The following PSAT1 variants were observed in gnomAD, a reference collection of about 807,000 sequenced individuals.
The protein encoded by PSAT1 is phosphoserine aminotransferase 1, also known as phosphoserine aminotransferase.
In PSAT1, 41 loss-of-function variants were observed where a neutral mutation model predicts 40.3. The ratio of observed to expected loss-of-function variants is 1.02; its 90% CI spans 0.79 to 1.32. PSAT1 has a LOEUF of 1.32. Ranked by LOEUF, PSAT1 falls within the 40% of genes most tolerant of loss-of-function variation. PSAT1 has a pLI of 0.00. For missense variants in PSAT1, 406 were observed against 455.8 expected (o/e 0.89, Z 0.99); for synonymous variants, 147 against 170.5 (o/e 0.86, Z 1.07).
At chr9:78,298,013 T>C (rs1049471961) in intron 1 of PSAT1, among the ~76,000 whole-genome samples, 2 of 151,942 alleles carry the variant, frequency 1.3e-5, no homozygotes, top group African/African-American at 4.8e-5. Flanking sequence ...TCGAGTATTC[T>C]AACTCTGGTA....
intron 4 of PSAT1, 67 bp downstream of exon 4, chr9:78,305,007 C>A: frequency 1.4e-6 from 2 of 1,432,908 alleles, no homozygotes; most frequent in Non-Finnish European, 1.9e-6. Flanking sequence ...CCAGGGCAAT[C>A]TGTAGTTTTC....
At position 78,327,213 on chromosome 9, in the gene PSAT1, G is replaced by A. The variant is rs552897004; in HGVS notation, c.870-838G>A. Among the ~76,000 whole-genome samples, 5 of 151,122 alleles carry A rather than the reference G, an allele frequency of 3.3e-5. No individual in the cohort carries two copies. The East Asian group carries it at 7.8e-4, about 24-fold the overall frequency. On this transcript the variant is annotated intron_variant, in intron 7 of 8. Coordinates refer to ENST00000376588, the MANE Select transcript of PSAT1 (RefSeq NM_058179.4). ...CCTGACCTCGTGATCCACCTGCCTCGGCTTCCCAAAGTGCTGGGATTATAG... is the reference window on the plus strand; with the variant it reads ...CCTGACCTCGTGATCCACCTGCCTCAGCTTCCCAAAGTGCTGGGATTATAG...
At chr9:78,313,271 C>T (rs1432565558) in intron 6 of PSAT1, among the ~76,000 whole-genome samples, 1 of 152,028 alleles carries the variant, frequency 6.6e-6, no homozygotes, top group Admixed American at 6.6e-5. Flanking sequence ...GAAGCTGAGG[C>T]GGGAGATCAC....
In PSAT1 at chr9:78,328,107, A is replaced by G. The variant is rs752613705; in HGVS notation, c.926A>G (p.Asn309Ser). The G allele has an allele frequency of 5.6e-6, 9 of 1,611,762 alleles. No homozygotes were observed. In the South Asian group the frequency reaches 8.8e-5, roughly 16 times the overall value. The change falls in exon 8 of 9, where the codon AAT becomes AGT. Residue 309 changes from asparagine to serine, a missense_variant. By Grantham distance (46) the Asn-to-Ser change is conservative. Transcript: ENST00000376588. ...ATGAATATTCCATTCCGCATTGGCA[A>G]TGCCAAAGGAGATGATGCTTTAGAA... ...SKMNIPFRIG[N>S]AKGDDALEKR...
chr9:78,306,416 A>C lies in PSAT1; in HGVS notation c.500A>C (p.Asp167Ala). 1 of 1,614,114 alleles carries C rather than the reference A, an allele frequency of 6.2e-7. No individual in the cohort carries two copies. Among genetic ancestry groups the C allele is most frequent in the Non-Finnish European group, 8.5e-7 (1 of 1,180,038 alleles). ...GGTGTGGAGTTTGACTTTATACCCG[A>C]TGTCAAGGGAGCAGTACTGGTTTGT... ...VHGVEFDFIP[D>A]VKGAVLVCDM... is the part of the protein sequence containing the mutation. The change falls in exon 5 of 9, where the codon GAT becomes GCT. Residue 167 changes from aspartate (D) to alanine (A), a missense_variant. Transcript: ENST00000376588.
chr9:78,327,029 C>T (rs1320491616), intron 7 of PSAT1, among the ~76,000 whole-genome samples: 4 of 143,272 alleles, frequency 2.8e-5, no homozygotes, highest in Admixed American at 7.2e-5. Context: ...AATCTTGGCT[C>T]ACTGCAATCT....
At chr9:78,299,354 A>C (rs1007051422) in intron 1 of PSAT1, among the ~76,000 whole-genome samples, 28 of 152,024 alleles carry the variant, frequency 1.8e-4, no homozygotes, top group Non-Finnish European at 2.8e-4. Flanking sequence ...CTCAGGAGCA[A>C]GTTCAAAGAT....
intron 6 of PSAT1, among the ~76,000 whole-genome samples, chr9:78,313,234 C>T (rs890382292): frequency 2.0e-5 from 3 of 152,072 alleles, no homozygotes; most frequent in African/African-American, 4.8e-5. Flanking sequence ...GGCGTAGTGG[C>T]GTGCACCTGT....
intron 7 of PSAT1, among the ~76,000 whole-genome samples, chr9:78,326,446 A>G (rs1312024363): frequency 6.6e-6 from 1 of 152,156 alleles, no homozygotes; most frequent in Non-Finnish European, 1.5e-5. Flanking sequence ...AACCTTTCCT[A>G]GACAAAAATT....
chr9:78,304,828 A>T lies in PSAT1; in HGVS notation c.285A>T (p.Ala95=), dbSNP rs942065581. The T allele has an allele frequency of 4.3e-6, 7 of 1,614,190 alleles. No homozygotes were observed. The highest frequency in any genetic ancestry group is 5.9e-6 in the Non-Finnish European group (7 of 1,180,034). The change falls in exon 4 of 9, where the codon GCA becomes GCT. Residue 95 remains alanine, a synonymous_variant. Transcript: ENST00000376588. ...AVPLNLIGLK[A]GRCADYVVTG... ...CCTTAAACCTCATTGGCTTGAAAGC[A>T]GGAAGGTGTGCTGACTATGTGGTGA... is the stretch of plus-strand genomic sequence containing the variant.
chr9:78,301,565 T>C (rs1828108499), intron 2 of PSAT1, among the ~76,000 whole-genome samples: 2 of 152,206 alleles, frequency 1.3e-5, no homozygotes, highest in South Asian at 4.1e-4. Context: ...TTGGGACATA[T>C]ACTTAGATTT....
intron 8 of PSAT1, 39 bp downstream of exon 8, chr9:78,328,227 A>C (rs1357960496): frequency 6.2e-7 from 1 of 1,613,532 alleles, no homozygotes; most frequent in Admixed American, 1.7e-5. Flanking sequence ...GCAAAGAATT[A>C]GCTTAGTTTT....
chr9:78,312,169 T>C (rs973054088), intron 6 of PSAT1, among the ~76,000 whole-genome samples: 9 of 151,588 alleles, frequency 5.9e-5, no homozygotes, highest in African/African-American at 1.9e-4. Context: ...TGAACTAGAG[T>C]GGAATAAAGA....
At position 78,308,405 on chromosome 9, in the gene PSAT1, CT is replaced by C. The variant is rs536197677; in HGVS notation, c.571-4del. 2 of 1,612,844 alleles carry C rather than the reference CT, an allele frequency of 1.2e-6. No individual in the cohort carries two copies. The highest frequency in any genetic ancestry group is 1.8e-4 in the Middle Eastern group (1 of 5,504). On this transcript the variant is annotated splice_polypyrimidine_tract_variant and splice_region_variant and intron_variant, in intron 5 of 8. Coordinates refer to ENST00000376588, the MANE Select transcript of PSAT1 (RefSeq NM_058179.4). ...TCCTTCTTAAGCAGCATGTCTTTCT[CT>C]TTTTAAGTTTGGTGTGATTTTTGCT...
In PSAT1 at chr9:78,302,817, T is replaced by C. The variant is rs994544548; in HGVS notation, c.191+794T>C. 4.6e-5 allele frequency among the ~76,000 whole-genome samples: 7 copies of C among 152,118 alleles called. No homozygotes were observed. The South Asian group carries it at 8.3e-4, about 18-fold the overall frequency. ...AATCAGAATCTCTGGAGAGACTTTA[T>C]TTTTAACAGGCTCTTTGGGTAATTG... On this transcript the variant is annotated intron_variant, in intron 3 of 8. Coordinates refer to ENST00000376588, the MANE Select transcript of PSAT1 (RefSeq NM_058179.4).
At chr9:78,299,013 G>A (rs117385801) in intron 1 of PSAT1, among the ~76,000 whole-genome samples, 4,980 of 151,876 alleles carry the variant, frequency 0.033, 198 homozygotes, top group East Asian at 0.11. Flanking sequence ...GGTGGCGCAC[G>A]CCTGTAATCC....
chr9:78,328,062 A>C lies in PSAT1; in HGVS notation c.881A>C (p.Glu294Ala). The C allele has an allele frequency of 6.2e-7, 1 of 1,611,250 alleles. No homozygotes were observed. Among genetic ancestry groups the C allele is most frequent in the Non-Finnish European group, 8.5e-7 (1 of 1,179,140 alleles). Reference sequence around the variant, plus strand: ...AACATGTTTTTCAGTTGTCCAGTGGAGCCCCAAAATAGAAGCAAGATGAAT... The same window carrying C: ...AACATGTTTTTCAGTTGTCCAGTGGCGCCCCAAAATAGAAGCAAGATGAAT... ...NSQGFYVCPV[E>A]PQNRSKMNIP... The change falls in exon 8 of 9, where the codon GAG (glutamate) becomes GCG (alanine). Residue 294 changes from glutamate to alanine, a missense_variant. Transcript: ENST00000376588.
rs759964181 is a variant in PSAT1 at position 78,317,694 on chromosome 9, G to A, written c.759G>A (p.Leu253=). 2 of 1,613,770 alleles carry A rather than the reference G, an allele frequency of 1.2e-6. No individual in the cohort carries two copies. The highest frequency in any genetic ancestry group is 2.2e-5 in the South Asian group (2 of 91,070). The change falls in exon 7 of 9, where the codon TTG becomes TTA. Residue 253 remains leucine (L), a synonymous_variant. Coordinates refer to ENST00000376588, the MANE Select transcript of PSAT1 (RefSeq NM_058179.4). ...PPCFSIYVMG[L]VLEWIKNNGG... ...ATTTTAGCATCTACGTCATGGGCTT[G>A]GTTCTGGAGTGGATTAAAAACAATG...
At chr9:78,327,881 G>C (rs1278407937) in intron 7 of PSAT1, among the ~76,000 whole-genome samples, 170 bp from the exon 8 acceptor site, 2 of 152,022 alleles carry the variant, frequency 1.3e-5, no homozygotes, top group African/African-American at 4.8e-5. Flanking sequence ...GCAAGAGTTT[G>C]TTTTCCCTAA....
Sources: allele counts gnomAD v4.1 joint callset (sites outside exome capture counted in the v4.1 genomes callset), GRCh38; gene constraint gnomAD v4.1.1; transcripts MANE v1.5; gene names NCBI Gene and HGNC (gene_info 2026-07-23, HGNC 2026-07-21).